The following RELN variants were observed in gnomAD, a reference collection of about 807,000 sequenced individuals.
RELN encodes the protein reelin.
In RELN, 108 loss-of-function variants were observed where a neutral mutation model predicts 427.6. That is an observed-to-expected ratio of 0.25 (90% CI 0.22 to 0.30). The LOEUF (loss-of-function observed/expected upper bound fraction) is 0.30. Among genes scored for constraint, RELN ranks in the 10% least tolerant of loss-of-function variants. The probability of loss-of-function intolerance (pLI) is 1.00; values close to 1 mark genes in which losing one functional copy is unlikely to be tolerated. For missense variants in RELN, 3,715 were observed against 4,302.8 expected, an observed-to-expected ratio of 0.86 and a Z score of 3.82; for synonymous variants, 1,524 against 1,513.4, an observed-to-expected ratio of 1.01 and a Z score of -0.16.
At chr7:103,828,183 C>A (rs970339106) in intron 3 of RELN, among the ~76,000 whole-genome samples, 1 of 151,874 alleles carries the variant, frequency 6.6e-6, no homozygotes, top group African/African-American at 2.4e-5. Context: ...TGGCTCTCAC[C>A]AAAAATTAAA....
intron 2 of RELN, among the ~76,000 whole-genome samples, chr7:103,848,740 T>C (rs1039942012): frequency 6.6e-6 from 1 of 152,186 alleles, no homozygotes; most frequent in African/African-American, 2.4e-5. Flanking sequence ...ATAAAAATGT[T>C]GGGCAATCAT....
chr7:103,517,604 T>A (rs1385724009), intron 49 of RELN, among the ~76,000 whole-genome samples: 1 of 152,212 alleles, frequency 6.6e-6, no homozygotes, highest in Non-Finnish European at 1.5e-5. Flanking sequence ...CTTTATAAAT[T>A]CCTCCATCAA....
intron 3 of RELN, among the ~76,000 whole-genome samples, chr7:103,830,139 G>A (rs1415406415): frequency 6.6e-6 from 1 of 151,908 alleles, no homozygotes; most frequent in Non-Finnish European, 1.5e-5. Context: ...TGCCAAAAAT[G>A]TAAAAAATAT....
chr7:103,610,429 A>T (rs1831923684), intron 22 of RELN, among the ~76,000 whole-genome samples: 1 of 152,210 alleles, frequency 6.6e-6, no homozygotes, highest in South Asian at 2.1e-4. Flanking sequence ...AAAAAGAAAA[A>T]GCTGGGGCAA....
chr7:103,559,764 A>G (rs980655854), intron 36 of RELN, among the ~76,000 whole-genome samples: 39 of 152,278 alleles, frequency 2.6e-4, no homozygotes, highest in Non-Finnish European at 5.3e-4. Context: ...TTTAGAGCTC[A>G]ATGCCATGTG....
chr7:103,642,347 G>GTT (rs1194862201), intron 16 of RELN, among the ~76,000 whole-genome samples: 1 of 118,360 alleles, frequency 8.4e-6, no homozygotes, highest in African/African-American at 3.0e-5. Flanking sequence ...AGATTTCATA[G>GTT]TGTTTTTTTT....
At position 103,753,228 on chromosome 7, in the gene RELN, G is replaced by A. The variant is rs760106531; in HGVS notation, c.545-14C>T. 3 of 1,613,714 alleles carry A rather than the reference G, an allele frequency of 1.9e-6. No homozygotes were observed. The Admixed American group carries it at 5.0e-5, about 27-fold the overall frequency. Reference sequence around the variant, plus strand: ...CATCTGTTGGAGCTGAATCAAGAGAGGAAAGAAGAAAGACAACTGATCAGG... The same window carrying A: ...CATCTGTTGGAGCTGAATCAAGAGAAGAAAGAAGAAAGACAACTGATCAGG... On this transcript the variant is annotated splice_polypyrimidine_tract_variant and intron_variant, in intron 4 of 64. Coordinates refer to ENST00000428762, the MANE Select transcript of RELN (RefSeq NM_005045.4).
At chr7:103,801,469 C>A (rs1792464048) in intron 3 of RELN, among the ~76,000 whole-genome samples, 1 of 151,774 alleles carries the variant, frequency 6.6e-6, no homozygotes, top group Non-Finnish European at 1.5e-5. Flanking sequence ...TCTCAGCAAA[C>A]TATCACAAGG....
chr7:103,897,469 T>C (rs915785144), intron 2 of RELN, among the ~76,000 whole-genome samples: 1 of 152,094 alleles, frequency 6.6e-6, no homozygotes, highest in Non-Finnish European at 1.5e-5. Flanking sequence ...TGTGTGTCCC[T>C]ACATTTGTTT....
At chr7:103,565,899 C>CA (rs1242544311) in intron 33 of RELN, among the ~76,000 whole-genome samples, 1 of 152,150 alleles carries the variant, frequency 6.6e-6, no homozygotes, top group East Asian at 1.9e-4. Context: ...GGATATCCAG[C>CA]ACTTCAAACA....
At chr7:103,835,723 CTCTT>C (rs1325910269) in intron 2 of RELN, among the ~76,000 whole-genome samples, 6 of 152,102 alleles carry the variant, frequency 3.9e-5, no homozygotes, top group Non-Finnish European at 7.4e-5. Context: ...ATGATTTACT[CTCTT>C]TGAGATCCAG....
Position 103,636,221 on chromosome 7 carries a change from C to T in RELN, c.2303+14G>A, listed in dbSNP as rs377268631. On this transcript the variant is annotated intron_variant, in intron 18 of 64. Coordinates refer to ENST00000428762, the MANE Select transcript of RELN (RefSeq NM_005045.4). The stretch of plus-strand genomic sequence containing the variant: ...ATCTGGTTTTTGTATGTATTCTACC[C>T]TGCCTTCACTCACCTGGATTGTGAG... The T allele has an allele frequency of 1.0e-4, 155 of 1,557,374 alleles. 2 individuals carry two copies. The highest frequency in any genetic ancestry group is 8.0e-4 in the Admixed American group (48 of 59,670).
chr7:103,952,967 C>T (rs915931694), intron 1 of RELN, among the ~76,000 whole-genome samples: 2 of 152,160 alleles, frequency 1.3e-5, no homozygotes, highest in African/African-American at 4.8e-5. Flanking sequence ...CCTCTCTCCT[C>T]GCTATGCACT....
chr7:103,735,035 C>T (rs1024403920), intron 6 of RELN, among the ~76,000 whole-genome samples: 1 of 152,034 alleles, frequency 6.6e-6, no homozygotes, highest in Non-Finnish European at 1.5e-5. Flanking sequence ...TAATTCATCA[C>T]AATCTATTTT....
chr7:103,666,153 G>A (rs949570086), intron 11 of RELN, among the ~76,000 whole-genome samples: 12 of 151,806 alleles, frequency 7.9e-5, no homozygotes, highest in Admixed American at 2.0e-4. Flanking sequence ...TAGCCTTAAC[G>A]TCTTGGGCTC....
chr7:103,640,713 T>G lies in RELN; in HGVS notation c.2003-104A>C. 1.7e-6 allele frequency: 2 copies of G among 1,166,908 alleles called. No homozygotes were observed. The highest frequency in any genetic ancestry group is 2.5e-6 in the Non-Finnish European group (2 of 799,676). 72.3% of individuals were successfully genotyped at this position (1,166,908 alleles called of 1,614,324 possible). A position where few individuals can be genotyped will look rare whatever the true frequency, so the allele number is the denominator to read the frequency against. On this transcript the variant is annotated intron_variant, in intron 16 of 64. Transcript: ENST00000428762. This position sits in a 1 kb window ranked among gnomAD's most constrained non-coding sequence, Gnocchi z 4.1. ...AATATGGCCCCTTGTGTGTATGTTG[T>G]GTGCAGGAACCCAGGGTGACATATG...
intron 11 of RELN, among the ~76,000 whole-genome samples, chr7:103,676,734 T>G (rs1037225024): frequency 5.3e-5 from 8 of 151,958 alleles, no homozygotes; most frequent in Non-Finnish European, 1.2e-4. Flanking sequence ...TTCATGTCCT[T>G]TGTAGGGACA....
chr7:103,942,500 G>A (rs1454547910), intron 1 of RELN, among the ~76,000 whole-genome samples: 2 of 152,232 alleles, frequency 1.3e-5, no homozygotes, highest in Middle Eastern at 3.4e-3. Flanking sequence ...AATCACTTAG[G>A]GGACTTGTTA....
chr7:103,927,928 T>A (rs1795781965), intron 1 of RELN, among the ~76,000 whole-genome samples: 1 of 152,204 alleles, frequency 6.6e-6, no homozygotes, highest in Non-Finnish European at 1.5e-5. Context: ...CTCTGCTGGC[T>A]TTAGTATTCC....
Sources: gnomAD v4.1 joint callset for allele counts (sites outside exome capture counted in the v4.1 genomes callset) on GRCh38, gnomAD v4.1.1 for gene constraint, Gnocchi (gnomAD v3.1) non-coding constraint, MANE v1.5 for transcripts, NCBI Gene and HGNC (gene_info 2026-07-23, HGNC 2026-07-21) for gene names.